KCNMA1: variants seen among roughly 807,000 people sequenced by gnomAD.
The protein encoded by KCNMA1 is Calcium-activated potassium channel subunit alpha-1.
KCNMA1 carries 29 observed loss-of-function variants against 140.0 expected under a neutral mutation model. The ratio of observed to expected loss-of-function variants is 0.21; its 90% confidence interval spans 0.15 to 0.28. KCNMA1 has a LOEUF of 0.28. Ranked by LOEUF, KCNMA1 falls within the 10% of genes least tolerant of loss-of-function variation. The pLI is 1.00. For synonymous variants in KCNMA1, 612 were observed against 611.9 expected, an observed-to-expected ratio of 1.00 and a Z score of 0.00; for missense variants, 880 against 1,602.2, an observed-to-expected ratio of 0.55 and a Z score of 7.70.
chr10:77,216,664 C>A (rs1598970867), intron 3 of KCNMA1, among the ~76,000 whole-genome samples: 2 of 152,096 alleles, frequency 1.3e-5, no homozygotes, highest in East Asian at 3.8e-4. Context: ...GATCTAGGTA[C>A]CAGCTTCTGA....
chr10:77,618,533 G>A (rs142848534), intron 1 of KCNMA1, among the ~76,000 whole-genome samples: 48 of 152,268 alleles, frequency 3.2e-4, no homozygotes, highest in Admixed American at 1.6e-3. Flanking sequence ...AAGACTACTC[G>A]TCTAGAAGAA....
At chr10:77,366,727 T>C (rs1237740571) in intron 2 of KCNMA1, among the ~76,000 whole-genome samples, 1 of 152,164 alleles carries the variant, frequency 6.6e-6, no homozygotes, top group Non-Finnish European at 1.5e-5. Context: ...CACACACATG[T>C]TCTTTACAAA....
chr10:77,364,225 C>A (rs572601105), intron 2 of KCNMA1, among the ~76,000 whole-genome samples: 2 of 151,996 alleles, frequency 1.3e-5, no homozygotes, highest in African/African-American at 4.8e-5. Context: ...TCAAGGTGGG[C>A]GGACTACCTG....
intron 1 of KCNMA1, among the ~76,000 whole-genome samples, chr10:77,564,990 G>A (rs796243240): frequency 3.3e-5 from 5 of 152,196 alleles, no homozygotes; most frequent in African/African-American, 9.6e-5. Flanking sequence ...CTGGCAGAGT[G>A]GCCAGGAGGC....
chr10:77,557,808 C>A (rs1410674839), intron 1 of KCNMA1, among the ~76,000 whole-genome samples: 1 of 152,070 alleles, frequency 6.6e-6, no homozygotes, highest in East Asian at 1.9e-4. Context: ...CGCCACCATA[C>A]CTGGCTAATT....
rs2049736142 is a variant in KCNMA1, at chr10:76,910,538, G to A, written c.3017-442C>T. On this transcript the variant is annotated intron_variant, in intron 24 of 27. Transcript: ENST00000286628. ...CAGCTTATTGGGAGTAAAGAGCGCT[G>A]GAAGGGGAGCACAGCAAAGGCAGAT... 3 of 284,632 alleles carry A rather than the reference G, an allele frequency of 1.1e-5. No homozygotes were observed. The Admixed American group carries it at 1.4e-4, about 14-fold the overall frequency. The allele number at this position is 284,632 out of a possible 1,614,324, so 17.6% of individuals were successfully genotyped here.
chr10:77,108,519 C>G lies in KCNMA1; in HGVS notation c.1185G>C (p.Lys395Asn). 6.2e-7 allele frequency: 1 copy of G among 1,613,928 alleles called. No individual in the cohort carries two copies. Among genetic ancestry groups the G allele is most frequent in the Non-Finnish European group, 8.5e-7 (1 of 1,179,990 alleles). The change falls in exon 9 of 28, where the codon AAG becomes AAC. Residue 395 changes from lysine to asparagine, a missense_variant. By Grantham distance (94) the Lys-to-Asn change is moderately conservative. Around this residue, in one of 13 missense-constraint regions of KCNMA1, gnomAD observed 198 missense variants for 580.1 expected, o/e 0.34. Transcript: ENST00000286628. This position sits in a 1 kb window ranked among gnomAD's most constrained non-coding sequence, Gnocchi z 4.6. The stretch of plus-strand genomic sequence containing the variant: ...CCGCACTATAGGAGCCCCCGTATTT[C>G]TTGCGGTTTCCTATTAACTCTATGA... ...PEIIELIGNRKKYGGSYSAVS... is the reference protein window; with the variant it reads ...PEIIELIGNRNKYGGSYSAVS...
chr10:77,596,520 G>A (rs181813344), intron 1 of KCNMA1, among the ~76,000 whole-genome samples: 30 of 152,262 alleles, frequency 2.0e-4, no homozygotes, highest in South Asian at 1.7e-3. Flanking sequence ...CATAACATCC[G>A]GAGATTGGGG....
At chr10:77,554,612 AAAAAAAGAAAGAAAGAAAAG>A (rs1027209726) in intron 1 of KCNMA1, among the ~76,000 whole-genome samples, 2 of 150,346 alleles carry the variant, frequency 1.3e-5, no homozygotes, top group Non-Finnish European at 2.9e-5. Flanking sequence ...AAAAAAAAAA[AAAAAAAGAAAGAAAGAAAAG>A]AAAAGAAAGA....
intron 2 of KCNMA1, among the ~76,000 whole-genome samples, chr10:77,391,946 A>C (rs1234758638): frequency 7.6e-6 from 1 of 132,202 alleles, no homozygotes; most frequent in Non-Finnish European, 1.7e-5. Flanking sequence ...TTTTTCTGAC[A>C]AAAACGGAGT....
intron 19 of KCNMA1, among the ~76,000 whole-genome samples, chr10:76,993,774 AT>A: frequency 6.6e-6 from 1 of 152,372 alleles, no homozygotes; most frequent in Non-Finnish European, 1.5e-5. Context: ...ACTTTCTATC[AT>A]ATTACAGACT....
intron 2 of KCNMA1, among the ~76,000 whole-genome samples, chr10:77,357,144 C>T (rs1253767601): frequency 2.0e-5 from 3 of 152,182 alleles, no homozygotes; most frequent in African/African-American, 7.2e-5. Context: ...CATTTGATTG[C>T]CTGGAATCAG....
At chr10:76,928,484 T>C (rs1473149611) in intron 23 of KCNMA1, among the ~76,000 whole-genome samples, 2 of 152,142 alleles carry the variant, frequency 1.3e-5, no homozygotes, top group African/African-American at 4.8e-5. Context: ...TCTTATTCTT[T>C]AAATGGAACT....
intron 1 of KCNMA1, among the ~76,000 whole-genome samples, chr10:77,472,299 T>TCA (rs368805491): frequency 2.8e-5 from 3 of 105,694 alleles, no homozygotes; most frequent in Non-Finnish European, 6.2e-5. Flanking sequence ...CACACACACA[T>TCA]CACACACACA....
At chr10:76,993,892 T>C (rs1354764646) in intron 19 of KCNMA1, among the ~76,000 whole-genome samples, 1 of 152,262 alleles carries the variant, frequency 6.6e-6, no homozygotes, top group African/African-American at 2.4e-5. Flanking sequence ...CTAGCCAAAT[T>C]GGGTGGCCAG....
intron 1 of KCNMA1, among the ~76,000 whole-genome samples, chr10:77,538,985 T>A (rs1261228227): frequency 2.0e-5 from 3 of 152,016 alleles, no homozygotes; most frequent in Non-Finnish European, 4.4e-5. Context: ...CAGTAACCTG[T>A]CTCCTTCATG....
chr10:77,166,139 T>A (rs2098639546), intron 5 of KCNMA1, among the ~76,000 whole-genome samples: 1 of 152,122 alleles, frequency 6.6e-6, no homozygotes, highest in Non-Finnish European at 1.5e-5. Flanking sequence ...GAAGTACTTG[T>A]ACTAATGGAA....
At chr10:77,551,116 G>A (rs1485031893) in intron 1 of KCNMA1, among the ~76,000 whole-genome samples, 1 of 152,090 alleles carries the variant, frequency 6.6e-6, no homozygotes, top group Non-Finnish European at 1.5e-5. Context: ...ACAGGAACAC[G>A]CCACCACACC....
intron 19 of KCNMA1, among the ~76,000 whole-genome samples, chr10:77,000,935 ACTAT>A (rs1323458320): frequency 2.1e-5 from 3 of 141,032 alleles, no homozygotes; most frequent in African/African-American, 5.3e-5. Flanking sequence ...TATTTTGGAA[ACTAT>A]CTAAGAAACT....
Sources: allele counts gnomAD v4.1 joint callset (sites outside exome capture counted in the v4.1 genomes callset), GRCh38; gene constraint gnomAD v4.1.1; regional missense constraint gnomAD v4.1.1; non-coding constraint Gnocchi (gnomAD v3.1); transcripts MANE v1.5; gene names NCBI Gene and HGNC (gene_info 2026-07-23, HGNC 2026-07-21).